The following SPATA16 variants were observed in gnomAD, a reference collection of about 807,000 sequenced individuals.
SPATA16 encodes the protein spermatogenesis associated 16.
Under a neutral mutation model 63.3 loss-of-function variants are expected in SPATA16, and 36 were observed. The ratio of observed to expected loss-of-function variants is 0.57; its 90% CI spans 0.44 to 0.75. The LOEUF (loss-of-function observed/expected upper bound fraction) is 0.75, where lower values mean the gene tolerates loss of function less well. Ranked by LOEUF, SPATA16 falls within the 30% of genes least tolerant of loss-of-function variation. The pLI, the probability that SPATA16 is intolerant of heterozygous loss-of-function variation, is 0.00. For synonymous variants in SPATA16, 203 were observed against 216.7 expected (o/e 0.94, Z 0.56); for missense variants, 646 against 679.3 (o/e 0.95, Z 0.54).
At chr3:172,960,310 T>C (rs1733720220) in intron 5 of SPATA16, among the ~76,000 whole-genome samples, 1 of 152,258 alleles carries the variant, frequency 6.6e-6, no homozygotes, top group South Asian at 2.1e-4. Context: ...GTTGCACGTG[T>C]GCAGAAAATG....
intron 1 of SPATA16, among the ~76,000 whole-genome samples, chr3:173,128,620 C>T (rs1190789320): frequency 6.6e-6 from 1 of 152,178 alleles, no homozygotes; most frequent in Non-Finnish European, 1.5e-5. Context: ...TATGCTCCGC[C>T]TCCTGACTTT....
intron 10 of SPATA16, among the ~76,000 whole-genome samples, chr3:172,912,414 A>T (rs1732388571): frequency 6.6e-6 from 1 of 152,176 alleles, no homozygotes; most frequent in Non-Finnish European, 1.5e-5. Context: ...CATGGTAGAT[A>T]TGTATTCAAC....
intron 3 of SPATA16, among the ~76,000 whole-genome samples, chr3:173,041,126 C>T (rs938083392): frequency 2.0e-5 from 3 of 152,056 alleles, no homozygotes; most frequent in African/African-American, 7.2e-5. Context: ...ACATAAAGTA[C>T]TAATGATCCA....
chr3:173,073,623 G>C lies in SPATA16; in HGVS notation c.613-24529C>G, dbSNP rs1262226933. Among the ~76,000 whole-genome samples, 3 of 152,234 alleles carry C rather than the reference G, an allele frequency of 2.0e-5. No homozygotes were observed. In the East Asian group the frequency reaches 5.8e-4, roughly 29 times the overall value. ...GGGGACCTCTGCCTAGATTTTAGAG[G>C]ATGTATGGAAATGCCTGGATGTCCA... On this transcript the variant is annotated intron_variant, in intron 2 of 10. Transcript: ENST00000351008.
intron 3 of SPATA16, among the ~76,000 whole-genome samples, chr3:173,028,019 CTT>C (rs1735501566): frequency 1.3e-4 from 8 of 62,922 alleles, no homozygotes; most frequent in East Asian, 9.4e-4. Context: ...CCCTCCCTTC[CTT>C]CTTTCCTTCC....
intron 10 of SPATA16, among the ~76,000 whole-genome samples, chr3:172,911,742 T>TG (rs1732375676): frequency 6.6e-6 from 1 of 152,180 alleles, no homozygotes; most frequent in South Asian, 2.1e-4. Flanking sequence ...CTTAACCTTT[T>TG]CTTTTCTCTC....
chr3:172,919,588 G>T (rs1405600425), intron 8 of SPATA16, among the ~76,000 whole-genome samples: 1 of 152,148 alleles, frequency 6.6e-6, no homozygotes, highest in East Asian at 1.9e-4. Context: ...CATAGCAAGA[G>T]TTGAAAATTC....
chr3:172,916,609 A>G (rs1732496023), intron 8 of SPATA16, 128 bp from the exon 9 acceptor site: 2 of 1,025,582 alleles, frequency 2.0e-6, no homozygotes, highest in Non-Finnish European at 3.0e-6. Flanking sequence ...GTACAAATAC[A>G]TGTTTCCTTC....
At position 173,097,957 on chromosome 3, in the gene SPATA16, T is replaced by C. The variant is rs564376346; in HGVS notation, c.612+19163A>G. On this transcript the variant is annotated intron_variant, in intron 2 of 10. Transcript: ENST00000351008. ...ACATGGAAGGACAAATTAATTTTGGTACTATGTAGCAATGCTGCAGGGCAT... is the reference window on the plus strand; with the variant it reads ...ACATGGAAGGACAAATTAATTTTGGCACTATGTAGCAATGCTGCAGGGCAT... Among the ~76,000 whole-genome samples, 4 of 152,284 alleles carry C rather than the reference T, an allele frequency of 2.6e-5. No individual in the cohort carries two copies. In the East Asian group the frequency reaches 5.8e-4, roughly 22 times the overall value.
In SPATA16 at chr3:172,913,826, A is replaced by C. The variant is rs530733450; in HGVS notation, c.1504-82T>G. ...AAATACACAGATTAAAACCTAATTA[A>C]AAAATCATTTGTACGCTGATGATTT... On this transcript the variant is annotated intron_variant, in intron 9 of 10. Coordinates refer to ENST00000351008, the MANE Select transcript of SPATA16 (RefSeq NM_031955.6). 225 of 1,237,848 alleles carry C rather than the reference A, an allele frequency of 1.8e-4. 2 individuals are homozygous for C. The Admixed American group carries it at 4.2e-3, about 23-fold the overall frequency. The allele number at this position is 1,237,848 out of a possible 1,614,324, so 76.7% of individuals were successfully genotyped here. A position where few individuals can be genotyped will look rare whatever the true frequency, so the allele number is the denominator to read the frequency against.
intron 2 of SPATA16, among the ~76,000 whole-genome samples, chr3:173,077,316 G>A (rs896637461): frequency 6.6e-6 from 1 of 151,842 alleles, no homozygotes; most frequent in Admixed American, 6.6e-5. Flanking sequence ...GAAGGCAGCG[G>A]GAATCTAGAA....
At chr3:173,104,651 C>T (rs1737577842) in intron 2 of SPATA16, among the ~76,000 whole-genome samples, 1 of 152,130 alleles carries the variant, frequency 6.6e-6, no homozygotes, top group South Asian at 2.1e-4. Flanking sequence ...GACCCAAACA[C>T]CTCCCACCAG....
intron 10 of SPATA16, among the ~76,000 whole-genome samples, chr3:172,892,948 A>G (rs1196518094): frequency 6.6e-6 from 1 of 152,204 alleles, no homozygotes; most frequent in African/African-American, 2.4e-5. Flanking sequence ...TGGACATTAG[A>G]CCAAATGAGC....
chr3:173,117,566 C>T lies in SPATA16; in HGVS notation c.166G>A (p.Val56Ile), dbSNP rs756496557. ...TTTGTTCTTTCAAGTGTGATTTCTACCTGTTTACCTCCACAGTTTTTCTTA... is the reference window on the plus strand; with the variant it reads ...TTTGTTCTTTCAAGTGTGATTTCTATCTGTTTACCTCCACAGTTTTTCTTA... ...EIKKNCGGKQVEITLERTKMT... is the reference protein window; with the variant it reads ...EIKKNCGGKQIEITLERTKMT... Residue 56 changes from valine to isoleucine, a missense_variant, in exon 2 of 11, where the codon GTA becomes ATA. By Grantham distance (29) the Val-to-Ile change is conservative. Transcript: ENST00000351008. 26 of 1,613,718 alleles carry T rather than the reference C, an allele frequency of 1.6e-5. No individual in the cohort carries two copies. In the South Asian group the frequency reaches 2.5e-4, roughly 16 times the overall value.
intron 4 of SPATA16, among the ~76,000 whole-genome samples, chr3:172,978,165 A>C (rs566136842): frequency 0.016 from 2,373 of 151,102 alleles, 22 homozygotes; most frequent in South Asian, 0.035. Flanking sequence ...CTCTCTCTAT[A>C]TATATATATA....
chr3:173,121,613 A>G (rs1441334504), intron 1 of SPATA16, among the ~76,000 whole-genome samples: 4 of 151,844 alleles, frequency 2.6e-5, no homozygotes, highest in East Asian at 1.9e-4. Context: ...CCCTAAAAGC[A>G]GAAATATACT....
At chr3:173,023,398 C>A (rs945555863) in intron 3 of SPATA16, among the ~76,000 whole-genome samples, 1 of 151,994 alleles carries the variant, frequency 6.6e-6, no homozygotes, top group Non-Finnish European at 1.5e-5. Context: ...AGAAAATGCT[C>A]TAATTATCTT....
chr3:173,072,266 A>T (rs1736693253), intron 2 of SPATA16, among the ~76,000 whole-genome samples: 1 of 152,316 alleles, frequency 6.6e-6, no homozygotes, highest in African/African-American at 2.4e-5. Context: ...CTTTGCAGCC[A>T]CCTTGATGCA....
chr3:172,964,119 A>G (rs534724312), intron 5 of SPATA16, among the ~76,000 whole-genome samples: 47 of 152,270 alleles, frequency 3.1e-4, no homozygotes, highest in African/African-American at 1.0e-3. Context: ...TTCATCACTC[A>G]CACCTACTGG....
Sources: gnomAD v4.1 joint callset for allele counts (sites outside exome capture counted in the v4.1 genomes callset) on GRCh38, gnomAD v4.1.1 for gene constraint, MANE v1.5 for transcripts, NCBI Gene and HGNC (gene_info 2026-07-23, HGNC 2026-07-21) for gene names.